RIMKLA: variants seen among roughly 807,000 people sequenced by gnomAD.
RIMKLA encodes the protein N-acetylaspartylglutamate synthase A.
In RIMKLA, 14 loss-of-function variants were observed where a neutral mutation model predicts 32.7. The observed-to-expected ratio is 0.43, with a 90% CI of 0.28 to 0.67. RIMKLA has a LOEUF of 0.67. Ranked by LOEUF, RIMKLA falls within the 30% of genes least tolerant of loss-of-function variation. RIMKLA has a pLI of 0.18. For synonymous variants in RIMKLA, 176 were observed against 204.1 expected (o/e 0.86, Z 1.18); for missense variants, 410 against 519.0 (o/e 0.79, Z 2.04).
chr1:42,411,647 ATTATTTATTTATTTAT>A (rs199789074), intron 4 of RIMKLA, among the ~76,000 whole-genome samples: 59,108 of 143,950 alleles, frequency 0.41, 12,575 homozygotes, highest in Middle Eastern at 0.56. Context: ...TTTTATTTTT[ATTATTTATTTATTTAT>A]TTATTTATTT....
At chr1:42,398,066 A>G (rs1466506590) in intron 1 of RIMKLA, among the ~76,000 whole-genome samples, 1 of 152,258 alleles carries the variant, frequency 6.6e-6, no homozygotes, top group Non-Finnish European at 1.5e-5. Context: ...GTTGAGCCCA[A>G]ATCCATCTCC....
intron 2 of RIMKLA, among the ~76,000 whole-genome samples, chr1:42,403,544 C>T (rs1055742914): frequency 6.6e-6 from 1 of 152,084 alleles, no homozygotes; most frequent in African/African-American, 2.4e-5. Flanking sequence ...TCATGCACAT[C>T]GTTATTCATA....
intron 1 of RIMKLA, among the ~76,000 whole-genome samples, chr1:42,381,506 C>T (rs1642888925): frequency 6.6e-6 from 1 of 152,150 alleles, no homozygotes; most frequent in African/African-American, 2.4e-5. Context: ...ATTAAGATGA[C>T]TGTTTTAAAA....
At chr1:42,382,832 T>G (rs1642900604) in intron 1 of RIMKLA, among the ~76,000 whole-genome samples, 1 of 152,098 alleles carries the variant, frequency 6.6e-6, no homozygotes, top group African/African-American at 2.4e-5. Context: ...TGAAAATACC[T>G]TAATCTATTC....
Position 42,395,400 on chromosome 1 carries a change from T to C in RIMKLA, c.164-4004T>C, listed in dbSNP as rs77932084. On this transcript the variant is annotated intron_variant, in intron 1 of 4. Transcript: ENST00000431473. Reference sequence around the variant, plus strand: ...TTAAGTGGTTTGAGGCTAAACATAATCTCAAGCCCACCCCATGAGTCTGGG... The same window carrying C: ...TTAAGTGGTTTGAGGCTAAACATAACCTCAAGCCCACCCCATGAGTCTGGG... Among the ~76,000 whole-genome samples, 104 of 151,064 alleles carry C rather than the reference T, an allele frequency of 6.9e-4. 1 individual carries two copies. The East Asian group carries it at 0.02, about 29-fold the overall frequency.
chr1:42,414,534 A>T lies in RIMKLA; in HGVS notation c.736A>T (p.Ile246Phe). ...PLTEQGKQLA[I>F]QVSNILGMDF... The stretch of plus-strand genomic sequence containing the variant: ...GACAGAACAAGGCAAGCAGTTGGCT[A>T]TTCAGGTGTCCAACATCCTAGGCAT... Residue 246 changes from isoleucine to phenylalanine, a missense_variant, in exon 5 of 5, where the codon ATT (isoleucine) becomes TTT (phenylalanine). Physicochemically the swap from Ile to Phe is conservative, Grantham distance 21 (BLOSUM62 0). Coordinates refer to ENST00000431473, the MANE Select transcript of RIMKLA (RefSeq NM_173642.4). 2 of 1,614,246 alleles carry T rather than the reference A, an allele frequency of 1.2e-6. No individual in the cohort carries two copies. The highest frequency in any genetic ancestry group is 1.7e-6 in the Non-Finnish European group (2 of 1,180,042).
rs1643247512 is a variant in RIMKLA at position 42,416,229 on chromosome 1, C to A, written c.*1255C>A. 1 of 151,992 alleles carries A rather than the reference C, an allele frequency of 6.6e-6. No homozygotes were observed. Among genetic ancestry groups the A allele is most frequent in the Admixed American group, 6.6e-5 (1 of 15,260 alleles). The allele number at this position is 151,992 out of a possible 1,614,324, so 9.4% of individuals were successfully genotyped here. On this transcript the variant is annotated 3_prime_UTR_variant, in exon 5 of 5. Coordinates refer to ENST00000431473, the MANE Select transcript of RIMKLA (RefSeq NM_173642.4). ...TATACGAAATATGACTGAAAATGAA[C>A]AAAGCCACCTTTTTAACCAAATACA... is the stretch of plus-strand genomic sequence containing the variant.
intron 1 of RIMKLA, among the ~76,000 whole-genome samples, chr1:42,382,043 A>T (rs1642893858): frequency 6.6e-6 from 1 of 152,200 alleles, no homozygotes; most frequent in African/African-American, 2.4e-5. Context: ...ATAAGCTCGT[A>T]ATCTGTTACT....
At chr1:42,390,808 C>T (rs985920482) in intron 1 of RIMKLA, among the ~76,000 whole-genome samples, 4 of 152,110 alleles carry the variant, frequency 2.6e-5, no homozygotes, top group Non-Finnish European at 5.9e-5. Flanking sequence ...TGTGTATTTT[C>T]CCTAGGTACG....
In RIMKLA at chr1:42,423,570, C is replaced by T. The variant is rs1214012130; in HGVS notation, c.*8596C>T. ...CCTACCCTCTTGACGGTGGCTCTGG[C>T]AGAAACCATGCTGCAGGGGCACAGG... On this transcript the variant is annotated 3_prime_UTR_variant, in exon 5 of 5. Coordinates refer to ENST00000431473, the MANE Select transcript of RIMKLA (RefSeq NM_173642.4). Among the ~76,000 whole-genome samples the T allele has an allele frequency of 6.6e-6, 1 of 152,186 alleles. No homozygotes were observed. Among genetic ancestry groups the T allele is most frequent in the Non-Finnish European group, 1.5e-5 (1 of 68,042 alleles).
At chr1:42,385,830 T>TCCTTCCTTCCTTCCTTCCTTTC (rs1557749857) in intron 1 of RIMKLA, among the ~76,000 whole-genome samples, 1 of 74,216 alleles carries the variant, frequency 1.3e-5, no homozygotes. Flanking sequence ...CTTCCTTCCT[T>TCCTTCCTTCCTTCCTTCCTTTC]TCTTTCTTTC....
rs766060680 is a variant in RIMKLA, at chr1:42,410,140, T to C, written c.638T>C (p.Met213Thr). 5 of 1,614,188 alleles carry C rather than the reference T, an allele frequency of 3.1e-6. No homozygotes were observed. The highest frequency in any genetic ancestry group is 2.2e-5 in the South Asian group (2 of 91,074). ...VVVGGQVIGSMLRCSTDGRMQ... is the reference protein window; with the variant it reads ...VVVGGQVIGSTLRCSTDGRMQ... ...GTAGGGGGCCAGGTCATAGGCTCTA[T>C]GCTTCGCTGCTCCACTGATGGACGG... Residue 213 changes from methionine (M) to threonine (T), a missense_variant, in exon 4 of 5, where the codon ATG (methionine) becomes ACG (threonine). Transcript: ENST00000431473.
Position 42,415,141 on chromosome 1 carries a change from G to C in RIMKLA, c.*167G>C. On this transcript the variant is annotated 3_prime_UTR_variant, in exon 5 of 5. Coordinates refer to ENST00000431473, the MANE Select transcript of RIMKLA (RefSeq NM_173642.4). ...ATTTAAGCAAATGGCCTAGCTTTGT[G>C]GTTTTTACAAAGACAAATATAAAAA... is the stretch of plus-strand genomic sequence containing the variant. 2 of 699,672 alleles carry C rather than the reference G, an allele frequency of 2.9e-6. No homozygotes were observed. Among genetic ancestry groups the C allele is most frequent in the Non-Finnish European group, 2.3e-6 (1 of 435,010 alleles). The allele number at this position is 699,672 out of a possible 1,614,324, so 43.3% of individuals were successfully genotyped here.
In RIMKLA at chr1:42,417,536, CAGAT is replaced by C. The variant is rs538977969; in HGVS notation, c.*2566_*2569del. The stretch of plus-strand genomic sequence containing the variant: ...GAACTCTGCGTCTCCATGTTTCACT[CAGAT>C]AGAGAAAATGCCTCCTTTGTTTACC... On this transcript the variant is annotated 3_prime_UTR_variant, in exon 5 of 5. Coordinates refer to ENST00000431473, the MANE Select transcript of RIMKLA (RefSeq NM_173642.4). The C allele has an allele frequency of 5.3e-5, 8 of 152,336 alleles. No individual in the cohort carries two copies. The South Asian group carries it at 8.3e-4, about 16-fold the overall frequency. 9.4% of individuals were successfully genotyped at this position (152,336 alleles called of 1,614,324 possible).
chr1:42,386,042 C>T lies in RIMKLA; in HGVS notation c.163+4945C>T, dbSNP rs553170705. Among the ~76,000 whole-genome samples the T allele has an allele frequency of 2.0e-5, 3 of 151,734 alleles. No individual in the cohort carries two copies. In the East Asian group the frequency reaches 5.8e-4, roughly 29 times the overall value. On this transcript the variant is annotated intron_variant, in intron 1 of 4. Coordinates refer to ENST00000431473, the MANE Select transcript of RIMKLA (RefSeq NM_173642.4). ...GTTCGTGCAGTTCTCCTGCCTCAGCCTCCCGAGTATCTGGGACTACAGGCA... is the reference window on the plus strand; with the variant it reads ...GTTCGTGCAGTTCTCCTGCCTCAGCTTCCCGAGTATCTGGGACTACAGGCA...
chr1:42,383,075 AGAGTTTCACCATGTTG>A (rs2148381143), intron 1 of RIMKLA, among the ~76,000 whole-genome samples: 1 of 151,552 alleles, frequency 6.6e-6, no homozygotes, highest in African/African-American at 2.4e-5. Flanking sequence ...TAGTAGAGAC[AGAGTTTCACCATGTTG>A]GTCAGGCTGG....
chr1:42,382,044 A>G (rs1382299228), intron 1 of RIMKLA, among the ~76,000 whole-genome samples: 1 of 152,220 alleles, frequency 6.6e-6, no homozygotes, highest in Non-Finnish European at 1.5e-5. Context: ...TAAGCTCGTA[A>G]TCTGTTACTT....
At chr1:42,388,471 C>T (rs1642969149) in intron 1 of RIMKLA, among the ~76,000 whole-genome samples, 1 of 150,952 alleles carries the variant, frequency 6.6e-6, no homozygotes, top group Non-Finnish European at 1.5e-5. Flanking sequence ...TCCCAAAGTG[C>T]TAGGATTACA....
intron 1 of RIMKLA, among the ~76,000 whole-genome samples, chr1:42,393,664 A>C (rs1457176366): frequency 2.0e-5 from 3 of 152,206 alleles, no homozygotes; most frequent in Non-Finnish European, 4.4e-5. Context: ...CTGTGGGTGG[A>C]GTAGGAAGAA....
Sources: gnomAD v4.1 joint callset for allele counts (sites outside exome capture counted in the v4.1 genomes callset) on GRCh38, gnomAD v4.1.1 for gene constraint, MANE v1.5 for transcripts, NCBI Gene and HGNC (gene_info 2026-07-23, HGNC 2026-07-21) for gene names.